Variants in ZNF723 observed in about 807,000 individuals in gnomAD.
ZNF723 encodes zinc finger protein 723.
In ZNF723, 5 loss-of-function variants were observed where a neutral mutation model predicts 9.4. The ratio of observed to expected loss-of-function variants is 0.53; its 90% CI spans 0.28 to 1.12. The LOEUF (loss-of-function observed/expected upper bound fraction) is 1.12, where lower values mean the gene tolerates loss of function less well. Among genes scored for constraint, ZNF723 ranks in the 50% most tolerant of loss-of-function variants. The probability of loss-of-function intolerance (pLI) is 0.10; values close to 1 mark genes in which losing one functional copy is unlikely to be tolerated. For synonymous variants in ZNF723, 158 were observed against 168.8 expected, an observed-to-expected ratio of 0.94 and a Z score of 0.49; for missense variants, 450 against 501.5, an observed-to-expected ratio of 0.90 and a Z score of 0.98.
chr19:22,834,496 T>C (rs417715), intron 1 of ZNF723, among the ~76,000 whole-genome samples: 65,573 of 151,544 alleles, frequency 0.43, 17,029 homozygotes, highest in African/African-American at 0.75. Flanking sequence ...TTTTTCTCCT[T>C]CTGGATTTTA....
intron 1 of ZNF723, among the ~76,000 whole-genome samples, chr19:22,843,573 C>A (rs1420648576): frequency 6.6e-6 from 1 of 152,152 alleles, no homozygotes; most frequent in Non-Finnish European, 1.5e-5. Context: ...CATCCAGGAA[C>A]TTTTAGACTA....
At chr19:22,852,978 T>A (rs930287530) in intron 3 of ZNF723, among the ~76,000 whole-genome samples, 9 of 152,154 alleles carry the variant, frequency 5.9e-5, no homozygotes, top group African/African-American at 2.2e-4. Context: ...TATTTTCTGC[T>A]TATAAATCCT....
intron 1 of ZNF723, among the ~76,000 whole-genome samples, chr19:22,832,766 G>A (rs1967113766): frequency 6.6e-6 from 1 of 152,132 alleles, no homozygotes; most frequent in Admixed American, 6.5e-5. Context: ...TCTTTTCTCT[G>A]AAATATTTAT....
In ZNF723 at chr19:22,858,303, A is replaced by G; in HGVS notation, c.1412A>G (p.His471Arg). The G allele has an allele frequency of 2.5e-6, 3 of 1,198,032 alleles. No individual in the cohort carries two copies. Among genetic ancestry groups the G allele is most frequent in the South Asian group, 1.2e-5 (1 of 80,968 alleles). 74.2% of individuals were successfully genotyped at this position (1,198,032 alleles called of 1,614,324 possible). The part of the protein sequence containing the change: ...AFNQYSTLNK[H>R]KIIHAREKPY... ...AACCAATATTCAACCCTTAATAAAC[A>G]TAAGATAATTCATGCTAGAGAGAAG... The change falls in exon 4 of 4, where the codon CAT becomes CGT. Residue 471 changes from histidine (H) to arginine (R), a missense_variant. Physicochemically the swap from His to Arg is conservative, Grantham distance 29. Transcript: ENST00000600766.
In ZNF723 at chr19:22,853,917, T is replaced by G. The variant is rs558319121; in HGVS notation, c.227-3201T>G. On this transcript the variant is annotated intron_variant, in intron 3 of 3. Transcript: ENST00000600766. Reference sequence around the variant, plus strand: ...GCTTGAGTCATCACAACCGGCCATATGAGTTATTGAGAAGGGTGTGTATCC... The same window carrying G: ...GCTTGAGTCATCACAACCGGCCATAGGAGTTATTGAGAAGGGTGTGTATCC... Among the ~76,000 whole-genome samples the G allele has an allele frequency of 5.9e-5, 9 of 152,298 alleles. No homozygotes were observed. The East Asian group carries it at 1.5e-3, about 26-fold the overall frequency.
intron 1 of ZNF723, among the ~76,000 whole-genome samples, chr19:22,839,552 C>T (rs570182230): frequency 1.3e-5 from 2 of 151,244 alleles, no homozygotes; most frequent in Admixed American, 6.6e-5. Flanking sequence ...TTGCAGTCTC[C>T]ACCTCCTGCT....
At chr19:22,816,296 C>T in the ZNF723 span, among the ~76,000 whole-genome samples, 1 of 152,274 alleles carries the variant, frequency 6.6e-6, no homozygotes, top group Admixed American at 6.5e-5. Flanking sequence ...TTCTGGATCT[C>T]ACACCCAAAG....
the ZNF723 span, among the ~76,000 whole-genome samples, chr19:22,817,701 T>C: frequency 6.6e-6 from 1 of 152,140 alleles, no homozygotes; most frequent in Non-Finnish European, 1.5e-5. Context: ...AGCTCATAGG[T>C]ATGATTATGA....
chr19:22,845,183 G>T (rs1008644908), intron 1 of ZNF723, among the ~76,000 whole-genome samples: 1 of 152,124 alleles, frequency 6.6e-6, no homozygotes, highest in African/African-American at 2.4e-5. Context: ...CATAAAGAGG[G>T]ACTAAAATTA....
At chr19:22,834,062 T>C (rs1967134081) in intron 1 of ZNF723, among the ~76,000 whole-genome samples, 1 of 147,430 alleles carries the variant, frequency 6.8e-6, no homozygotes, top group African/African-American at 2.5e-5. Context: ...ATTAGAAGCA[T>C]ACACCACCAC....
chr19:22,816,240 A>C, the ZNF723 span, among the ~76,000 whole-genome samples: 3 of 152,232 alleles, frequency 2.0e-5, no homozygotes, highest in Admixed American at 2.0e-4. Context: ...CCAAGCTGAC[A>C]GTAAATATTG....
At position 22,839,888 on chromosome 19, in the gene ZNF723, A is replaced by G. The variant is rs375101826; in HGVS notation, c.3+7506A>G. On this transcript the variant is annotated intron_variant, in intron 1 of 3. Coordinates refer to ENST00000600766, the MANE Select transcript of ZNF723 (RefSeq NM_001349726.2). ...TAATTAATGATGAGTATTTTTTTTC[A>G]TATGCTTGTTAGCCACACGTATGCC... Among the ~76,000 whole-genome samples, 6 of 151,956 alleles carry G rather than the reference A, an allele frequency of 3.9e-5. No homozygotes were observed. The East Asian group carries it at 7.8e-4, about 20-fold the overall frequency.
the ZNF723 span, among the ~76,000 whole-genome samples, chr19:22,820,391 G>A: frequency 6.6e-6 from 1 of 152,092 alleles, no homozygotes; most frequent in African/African-American, 2.4e-5. Flanking sequence ...GCTTTCATTA[G>A]AGGATATTCA....
chr19:22,834,963 C>T (rs1221902279), intron 1 of ZNF723, among the ~76,000 whole-genome samples: 1 of 152,018 alleles, frequency 6.6e-6, no homozygotes. Context: ...GGTCATTGAG[C>T]ATTTAACTGA....
At chr19:22,845,676 C>A (rs564176690) in intron 1 of ZNF723, among the ~76,000 whole-genome samples, 6 of 145,232 alleles carry the variant, frequency 4.1e-5, no homozygotes, top group Non-Finnish European at 4.6e-5. Flanking sequence ...TGGGGAAACT[C>A]ATTGTTCCTG....
At chr19:22,845,067 C>T (rs541502689) in intron 1 of ZNF723, among the ~76,000 whole-genome samples, 3 of 152,156 alleles carry the variant, frequency 2.0e-5, no homozygotes, top group East Asian at 3.9e-4. Context: ...TGCAGTGAGC[C>T]GATATCACGC....
intron 3 of ZNF723, among the ~76,000 whole-genome samples, chr19:22,852,087 C>T (rs555793381): frequency 5.3e-5 from 8 of 152,262 alleles, no homozygotes; most frequent in Admixed American, 5.2e-4. Flanking sequence ...CTGCGCCCAG[C>T]TAGAATTTTT....
chr19:22,843,825 T>A (rs909320179), intron 1 of ZNF723, among the ~76,000 whole-genome samples: 1 of 152,174 alleles, frequency 6.6e-6, no homozygotes, highest in Admixed American at 6.5e-5. Flanking sequence ...AGACATTTAT[T>A]TAAATTGCTT....
At chr19:22,835,743 AAC>A (rs1299371383) in intron 1 of ZNF723, among the ~76,000 whole-genome samples, 7 of 152,208 alleles carry the variant, frequency 4.6e-5, no homozygotes, top group South Asian at 2.1e-4. Context: ...TCATGAAAAC[AAC>A]AGTTTTTCTT....
Sources: gnomAD v4.1 joint callset for allele counts (sites outside exome capture counted in the v4.1 genomes callset) on GRCh38, gnomAD v4.1.1 for gene constraint, MANE v1.5 for transcripts, NCBI Gene and HGNC (gene_info 2026-07-23, HGNC 2026-07-21) for gene names.